The following C13orf42 variants were observed in gnomAD, a reference collection of about 807,000 sequenced individuals.
C13orf42 encodes uncharacterized protein C13orf42.
chr13:51,084,131 G>T lies in C13orf42; in HGVS notation c.*20C>A. 1 of 398,678 alleles carries T rather than the reference G, an allele frequency of 2.5e-6. No individual in the cohort carries two copies. Among genetic ancestry groups the T allele is most frequent in the Non-Finnish European group, 4.4e-6 (1 of 226,094 alleles). The allele number at this position is 398,678 out of a possible 1,614,324, so 24.7% of individuals were successfully genotyped here. A position where few individuals can be genotyped will look rare whatever the true frequency, so the allele number is the denominator to read the frequency against. ...TTCTCAGGGACCCAGTCTGAGACAC[G>T]TCAAGGAATCCAGATGGAGTCAGGG... On this transcript the variant is annotated 3_prime_UTR_variant, in exon 4 of 4. Transcript: ENST00000563710.
intron 1 of C13orf42, chr13:51,161,832 C>T (rs975117519): frequency 4.8e-6 from 2 of 414,540 alleles, no homozygotes; most frequent in Non-Finnish European, 9.4e-6. Flanking sequence ...GATAGAGAAA[C>T]CTCCATCCAC....
At chr13:51,115,109 TTAC>T (rs1472909507), upstream of C13orf42, among the ~76,000 whole-genome samples, 3 of 152,310 alleles carry the variant, frequency 2.0e-5, no homozygotes, top group South Asian at 4.1e-4. Context: ...AAAAATATGA[TTAC>T]TACTACTTCT....
At chr13:51,135,982 G>A (rs1953654760) in intron 1 of C13orf42, among the ~76,000 whole-genome samples, 2 of 152,204 alleles carry the variant, frequency 1.3e-5, no homozygotes, top group Non-Finnish European at 2.9e-5. Context: ...GCTGATGAGG[G>A]TAAACCCGAG....
At chr13:51,106,325 G>T (rs371628278) in intron 1 of C13orf42, among the ~76,000 whole-genome samples, 1 of 152,280 alleles carries the variant, frequency 6.6e-6, no homozygotes, top group South Asian at 2.1e-4. Flanking sequence ...GCAGTATGAC[G>T]CAGCTGCCTC....
intron 2 of C13orf42, among the ~76,000 whole-genome samples, chr13:51,087,516 CT>C (rs1953141338): frequency 1.3e-5 from 2 of 152,284 alleles, no homozygotes; most frequent in South Asian, 4.1e-4. Context: ...ATCTCTGGAA[CT>C]TTTTCATCTC....
chr13:51,100,587 T>C (rs147569449), intron 1 of C13orf42, among the ~76,000 whole-genome samples: 238 of 152,260 alleles, frequency 1.6e-3, no homozygotes, highest in African/African-American at 5.6e-3. Context: ...CAAAGGTCAT[T>C]ATGCAAGCAA....
chr13:51,098,023 G>A (rs986968893), intron 1 of C13orf42, among the ~76,000 whole-genome samples: 3 of 152,196 alleles, frequency 2.0e-5, no homozygotes, highest in African/African-American at 7.2e-5. Context: ...CCCTAGGCCT[G>A]AGCCTCGGAT....
chr13:51,121,796 A>G (rs61956844), intron 1 of C13orf42, among the ~76,000 whole-genome samples: 31,046 of 152,118 alleles, frequency 0.2, 3,629 homozygotes, highest in South Asian at 0.31. Context: ...CGGCCTCCCA[A>G]AGTGCTGGAA....
chr13:51,093,049 ATAATTTCT>A (rs1430200545), intron 1 of C13orf42, among the ~76,000 whole-genome samples: 2 of 152,230 alleles, frequency 1.3e-5, no homozygotes, highest in African/African-American at 4.8e-5. Flanking sequence ...AACAAAACTG[ATAATTTCT>A]TAATATCAGG....
At chr13:51,117,705 A>G (rs754479721) in intron 1 of C13orf42, among the ~76,000 whole-genome samples, 15 of 151,300 alleles carry the variant, frequency 9.9e-5, no homozygotes, top group Non-Finnish European at 1.9e-4. Flanking sequence ...CTCCCCTCCT[A>G]TTTTTTTCTT....
At chr13:51,087,590 C>G (rs1187719869) in intron 2 of C13orf42, among the ~76,000 whole-genome samples, 1 of 152,170 alleles carries the variant, frequency 6.6e-6, no homozygotes, top group Non-Finnish European at 1.5e-5. Flanking sequence ...TTCATCATTT[C>G]CCTATTGCTG....
intron 1 of C13orf42, among the ~76,000 whole-genome samples, chr13:51,152,445 T>G (rs767695035): frequency 1.1e-4 from 17 of 152,196 alleles, no homozygotes; most frequent in Non-Finnish European, 2.9e-5. Context: ...CCTCCTGGGC[T>G]CTAGTGATCC....
intron 1 of C13orf42, among the ~76,000 whole-genome samples, chr13:51,163,373 G>A (rs1180895464): frequency 6.6e-6 from 1 of 152,066 alleles, no homozygotes; most frequent in Non-Finnish European, 1.5e-5. Context: ...GAGGTCTGTT[G>A]TGCCAGACCC....
chr13:51,094,991 C>A (rs1953217511), intron 1 of C13orf42, among the ~76,000 whole-genome samples: 1 of 152,178 alleles, frequency 6.6e-6, no homozygotes, highest in Admixed American at 6.5e-5. Flanking sequence ...AGTTCCCCTG[C>A]ACATGCTCTC....
At chr13:51,090,190 T>G (rs1026400345) in intron 1 of C13orf42, among the ~76,000 whole-genome samples, 1 of 152,168 alleles carries the variant, frequency 6.6e-6, no homozygotes, top group Non-Finnish European at 1.5e-5. Context: ...CTGCATTTTC[T>G]CTTGCTGCTT....
intron 1 of C13orf42, among the ~76,000 whole-genome samples, chr13:51,104,305 G>A (rs1337070702): frequency 6.6e-6 from 1 of 152,030 alleles, no homozygotes; most frequent in African/African-American, 2.4e-5. Flanking sequence ...AAAGACCCTG[G>A]TTATTATCTG....
At chr13:51,118,550 G>A (rs572723490) in intron 1 of C13orf42, among the ~76,000 whole-genome samples, 38 of 152,248 alleles carry the variant, frequency 2.5e-4, no homozygotes, top group Non-Finnish European at 3.4e-4. Flanking sequence ...GGGGCAGAGA[G>A]TGAAGCTGCC....
chr13:51,118,318 G>C (rs1953507993), intron 1 of C13orf42, among the ~76,000 whole-genome samples: 2 of 152,304 alleles, frequency 1.3e-5, no homozygotes, highest in African/African-American at 4.8e-5. Context: ...TTTATCCCCT[G>C]ACAGGGAACT....
At chr13:51,149,544 G>GA (rs1247336605) in intron 1 of C13orf42, among the ~76,000 whole-genome samples, 2 of 152,032 alleles carry the variant, frequency 1.3e-5, no homozygotes, top group East Asian at 1.9e-4. Flanking sequence ...CATTCAAGCT[G>GA]AAAAAAATAT....
Sources: gnomAD v4.1 joint callset for allele counts (sites outside exome capture counted in the v4.1 genomes callset) on GRCh38, gnomAD v4.1.1 for gene constraint, MANE v1.5 for transcripts, NCBI Gene and HGNC (gene_info 2026-07-23, HGNC 2026-07-21) for gene names.